Variants in VASP observed in about 807,000 individuals in gnomAD.
VASP encodes the protein vasodilator stimulated phosphoprotein.
Under a neutral mutation model 54.4 loss-of-function variants are expected in VASP, and 27 were observed. That is an observed-to-expected ratio of 0.50 (90% CI 0.37 to 0.68). The LOEUF (loss-of-function observed/expected upper bound fraction) is 0.68. VASP is among the 30% of genes least tolerant of loss of function. The pLI, the probability that VASP is intolerant of heterozygous loss-of-function variation, is 0.00. For synonymous variants in VASP, 233 were observed against 209.8 expected (o/e 1.11, Z -0.96); for missense variants, 488 against 528.3 (o/e 0.92, Z 0.75).
chr19:45,514,514 C>A (rs930374979), intron 1 of VASP, among the ~76,000 whole-genome samples: 1 of 152,194 alleles, frequency 6.6e-6, no homozygotes, highest in Non-Finnish European at 1.5e-5. Context: ...AGCCACCGTT[C>A]CCCGCCCCAC....
intron 1 of VASP, among the ~76,000 whole-genome samples, chr19:45,508,596 T>G (rs1195837474): frequency 6.6e-6 from 1 of 152,110 alleles, no homozygotes; most frequent in Non-Finnish European, 1.5e-5. Flanking sequence ...CTGACTCACC[T>G]GTCGAGACAG....
chr19:45,509,586 T>A (rs972421868), intron 1 of VASP, among the ~76,000 whole-genome samples: 1 of 152,216 alleles, frequency 6.6e-6, no homozygotes, highest in Admixed American at 6.5e-5. Context: ...CACCTCTTGC[T>A]GTGGTGGTGG....
At position 45,526,139 on chromosome 19, in the gene VASP, G is replaced by A. The variant is rs953568332; in HGVS notation, c.1106-1G>A. 1 of 1,613,870 alleles carries A rather than the reference G, an allele frequency of 6.2e-7. No homozygotes were observed. The highest frequency in any genetic ancestry group is 8.5e-7 in the Non-Finnish European group (1 of 1,179,974). On this transcript the variant is annotated splice_acceptor_variant, in intron 12 of 12. Coordinates refer to ENST00000245932, the MANE Select transcript of VASP (RefSeq NM_003370.4). LOFTEE classifies it high-confidence loss of function. ...GACCTCTGCTCCTTGTTTCCTTCCAGCCTTCGTCCAGGAGCTGAGGAAGCG... is the reference window on the plus strand; with the variant it reads ...GACCTCTGCTCCTTGTTTCCTTCCAACCTTCGTCCAGGAGCTGAGGAAGCG...
chr19:45,512,818 C>T (rs1042193015), intron 1 of VASP, among the ~76,000 whole-genome samples: 4 of 152,036 alleles, frequency 2.6e-5, no homozygotes, highest in African/African-American at 7.3e-5. Context: ...CCAGACTGGT[C>T]TCAAACTCCT....
rs1019786316 is a variant in VASP, at chr19:45,522,202, C to A, written c.463C>A (p.Arg155=). ...QPGPSEHIER[R]VSNAGGPPAP... is the part of the protein sequence containing the mutation. The stretch of plus-strand genomic sequence containing the variant: ...CGGCCCGTCGGAGCACATAGAGCGC[C>A]GGGTCTCCAATGCAGGTGATGCTCA... The change falls in exon 5 of 13, where the codon CGG becomes AGG. Residue 155 remains arginine (R), a synonymous_variant. Transcript: ENST00000245932. 2.5e-6 allele frequency: 4 copies of A among 1,614,054 alleles called. No homozygotes were observed. The highest frequency in any genetic ancestry group is 1.7e-6 in the Non-Finnish European group (2 of 1,180,046).
chr19:45,511,231 G>A (rs377426618), intron 1 of VASP, among the ~76,000 whole-genome samples: 14 of 152,210 alleles, frequency 9.2e-5, no homozygotes, highest in South Asian at 2.1e-4. Flanking sequence ...TGGGTTCAGG[G>A]GACAGTGAAG....
In VASP at chr19:45,510,912, G is replaced by T. The variant is rs1270092500; in HGVS notation, c.5+3136G>T. On this transcript the variant is annotated intron_variant, in intron 1 of 12. Coordinates refer to ENST00000245932, the MANE Select transcript of VASP (RefSeq NM_003370.4). Reference sequence around the variant, plus strand: ...CTTGCCACTGCACTCCAGCCTGGGTGACAAAGTGAGACCCTGTCTCAAAAA... The same window carrying T: ...CTTGCCACTGCACTCCAGCCTGGGTTACAAAGTGAGACCCTGTCTCAAAAA... Among the ~76,000 whole-genome samples, 3 of 130,452 alleles carry T rather than the reference G, an allele frequency of 2.3e-5. No individual in the cohort carries two copies. The East Asian group carries it at 6.8e-4, about 30-fold the overall frequency. The allele number at this position is 130,452 out of a possible 152,430, so 85.6% of individuals were successfully genotyped here.
chr19:45,510,486 A>G (rs1183401937), intron 1 of VASP, among the ~76,000 whole-genome samples: 1 of 151,996 alleles, frequency 6.6e-6, no homozygotes, highest in Admixed American at 6.6e-5. Context: ...TCGACCTCCT[A>G]AAGTGTTATT....
At chr19:45,508,449 G>A (rs1968533053) in intron 1 of VASP, among the ~76,000 whole-genome samples, 1 of 151,988 alleles carries the variant, frequency 6.6e-6, no homozygotes, top group African/African-American at 2.4e-5. Context: ...TTAACTGGCC[G>A]TGCCTAGGAC....
At chr19:45,513,015 C>T (rs763715327) in intron 1 of VASP, among the ~76,000 whole-genome samples, 3 of 152,180 alleles carry the variant, frequency 2.0e-5, no homozygotes, top group Non-Finnish European at 2.9e-5. Flanking sequence ...GTGGGAACTT[C>T]GTTTCAACTA....
intron 1 of VASP, among the ~76,000 whole-genome samples, chr19:45,513,323 C>T (rs1019267100): frequency 2.6e-5 from 4 of 152,020 alleles, no homozygotes; most frequent in African/African-American, 9.7e-5. Flanking sequence ...AGGCTCACTG[C>T]AGCCTCATCC....
rs201403453 is a variant in VASP at position 45,526,563 on chromosome 19, T to A, written c.*386T>A. ...TTTTGGTTTTTTTAAGAAAAAAAAATATATATATATTTGGGTTTTGGGGGA... is the reference window on the plus strand; with the variant it reads ...TTTTGGTTTTTTTAAGAAAAAAAAAAATATATATATTTGGGTTTTGGGGGA... On this transcript the variant is annotated 3_prime_UTR_variant, in exon 13 of 13. Transcript: ENST00000245932. 3.7e-3 allele frequency: 583 copies of A among 158,074 alleles called. 5 individuals are homozygous for A. Among genetic ancestry groups the A allele is most frequent in the African/African-American group, 0.01 (419 of 41,686 alleles). The allele number at this position is 158,074 out of a possible 1,614,324, so 9.8% of individuals were successfully genotyped here. A position where few individuals can be genotyped will look rare whatever the true frequency, so the allele number is the denominator to read the frequency against.
At chr19:45,525,868 CA>C in intron 11 of VASP, 77 bp from the exon 12 acceptor site, 1 of 1,457,322 alleles carries the variant, frequency 6.9e-7, no homozygotes, top group South Asian at 1.2e-5. Flanking sequence ...GGTTCCTTCT[CA>C]AAAAATAAAA....
intron 10 of VASP, 39 bp downstream of exon 10, chr19:45,524,181 C>T (rs371995211): frequency 4.0e-5 from 64 of 1,610,872 alleles, no homozygotes; most frequent in Middle Eastern, 2.2e-4. Flanking sequence ...GAGGTAAAGG[C>T]GGGCAGATCG....
intron 3 of VASP, among the ~76,000 whole-genome samples, chr19:45,519,894 CT>C (rs57892194): frequency 0.031 from 1,577 of 50,754 alleles, 44 homozygotes; most frequent in Admixed American, 0.073. Context: ...TGCGCCCGGC[CT>C]TTTTTTTTTT....
chr19:45,522,859 G>C, intron 7 of VASP, 41 bp downstream of exon 7: 1 of 1,574,148 alleles, frequency 6.4e-7, no homozygotes. Flanking sequence ...TGGAGTTCCA[G>C]TTCAGTAGGG....
Position 45,522,722 on chromosome 19 carries a change from A to C in VASP, c.725A>C (p.Glu242Ala), listed in dbSNP as rs761572288. Reference protein sequence around the residue: ...GAKLRKVSKQEEASGGPTAPK... With the variant: ...GAKLRKVSKQAEASGGPTAPK... ...GCCCCTTTTAAATTTCTCCAGCAGG[A>C]GGAGGCCTCAGGGGGGCCCACAGCC... Residue 242 changes from glutamate to alanine, a missense_variant, in exon 7 of 13, where the codon GAG (glutamate) becomes GCG (alanine). Glu to Ala is a moderately radical substitution (Grantham distance 107, BLOSUM62 -1). Transcript: ENST00000245932. 1.2e-6 allele frequency: 2 copies of C among 1,603,824 alleles called. No homozygotes were observed. The highest frequency in any genetic ancestry group is 1.7e-6 in the Non-Finnish European group (2 of 1,177,428).
Position 45,521,330 on chromosome 19 carries a change from C to T in VASP, c.352C>T (p.Pro118Ser). 3.8e-6 allele frequency: 6 copies of T among 1,575,972 alleles called. No individual in the cohort carries two copies. The highest frequency in any genetic ancestry group is 2.3e-5 in the South Asian group (2 of 85,952). Residue 118 changes from proline to serine, a missense_variant, in exon 4 of 13, where the codon CCC becomes TCC. Around this residue, in one of 4 missense-constraint regions of VASP, gnomAD observed 226 missense variants for 196.0 expected, o/e 1.15. Coordinates refer to ENST00000245932, the MANE Select transcript of VASP (RefSeq NM_003370.4). ...SALEALEGGGPPPPPALPTWS... is the reference protein window; with the variant it reads ...SALEALEGGGSPPPPALPTWS... ...TCTCTCTCACCTTTCAGGAGGTGGG[C>T]CCCCTCCACCCCCAGCACTTCCCAC... is the stretch of plus-strand genomic sequence containing the variant.
At chr19:45,509,720 A>G (rs1278836347) in intron 1 of VASP, among the ~76,000 whole-genome samples, 2 of 152,200 alleles carry the variant, frequency 1.3e-5, no homozygotes, top group African/African-American at 4.8e-5. Flanking sequence ...GTCACACCCG[A>G]CTTCCTGGGC....
Sources: allele counts gnomAD v4.1 joint callset (sites outside exome capture counted in the v4.1 genomes callset), GRCh38; gene constraint gnomAD v4.1.1; regional missense constraint gnomAD v4.1.1; transcripts MANE v1.5; gene names NCBI Gene and HGNC (gene_info 2026-07-23, HGNC 2026-07-21).